TBC1D32: variants seen among roughly 807,000 people sequenced by gnomAD.
TBC1D32 encodes protein broad-minded.
TBC1D32 carries 151 observed loss-of-function variants against 170.3 expected under a neutral mutation model. The observed-to-expected ratio is 0.89, with a 90% CI of 0.78 to 1.01. The LOEUF (loss-of-function observed/expected upper bound fraction) is 1.01. TBC1D32 is among the 50% of genes least tolerant of loss of function. The pLI, the probability that TBC1D32 is intolerant of heterozygous loss-of-function variation, is 0.00. For missense variants in TBC1D32, 1,464 were observed against 1,457.1 expected, an observed-to-expected ratio of 1.00 and a Z score of -0.08; for synonymous variants, 498 against 488.0, an observed-to-expected ratio of 1.02 and a Z score of -0.27.
At chr6:121,196,331 G>A (rs1031425836) in intron 22 of TBC1D32, among the ~76,000 whole-genome samples, 3 of 152,138 alleles carry the variant, frequency 2.0e-5, no homozygotes, top group African/African-American at 7.2e-5. Context: ...ACTGCTGAGT[G>A]CCCAATTTGC....
At chr6:121,217,112 A>G (rs1377359119) in intron 21 of TBC1D32, among the ~76,000 whole-genome samples, 2 of 152,226 alleles carry the variant, frequency 1.3e-5, no homozygotes, top group Admixed American at 1.3e-4. Context: ...ATCTTCAAGA[A>G]TGCTACTGGA....
intron 30 of TBC1D32, among the ~76,000 whole-genome samples, chr6:121,091,769 T>A (rs1451513333): frequency 1.3e-5 from 2 of 152,014 alleles, no homozygotes; most frequent in African/African-American, 4.8e-5. Context: ...AAAAGATATG[T>A]CAAAGCCCTA....
intron 17 of TBC1D32, among the ~76,000 whole-genome samples, 195 bp downstream of exon 17, chr6:121,255,133 T>C (rs938156162): frequency 9.9e-5 from 15 of 151,958 alleles, no homozygotes; most frequent in African/African-American, 3.4e-4. Flanking sequence ...GTATAATAAA[T>C]ATTGTTAGAT....
At chr6:121,204,662 T>G (rs1792001257) in intron 22 of TBC1D32, among the ~76,000 whole-genome samples, 1 of 151,378 alleles carries the variant, frequency 6.6e-6, no homozygotes, top group Non-Finnish European at 1.5e-5. Flanking sequence ...CAAAGTAAAG[T>G]TGAAAAGTAA....
intron 30 of TBC1D32, among the ~76,000 whole-genome samples, chr6:121,098,562 CG>C (rs1413178697): frequency 3.3e-5 from 5 of 151,958 alleles, no homozygotes; most frequent in Non-Finnish European, 7.4e-5. Flanking sequence ...ACATGAAAAA[CG>C]TAAGACTATT....
rs372799877 is a variant in TBC1D32 at position 121,256,588 on chromosome 6, C to G, written c.1734-303G>C. On this transcript the variant is annotated intron_variant, in intron 15 of 31. Transcript: ENST00000398212. ...GTCAATTCTACAGTGAAAACATAAT[C>G]CTAAATGCTCCATTCCTAGCACTTA... Among the ~76,000 whole-genome samples the G allele has an allele frequency of 3.9e-5, 6 of 152,238 alleles. No individual in the cohort carries two copies. In the East Asian group the frequency reaches 9.7e-4, roughly 24 times the overall value.
chr6:121,181,708 A>G (rs986733225), intron 22 of TBC1D32, among the ~76,000 whole-genome samples: 4 of 152,168 alleles, frequency 2.6e-5, no homozygotes, highest in Admixed American at 2.6e-4. Context: ...CACAATGGCC[A>G]AGATATGGAA....
At chr6:121,217,346 C>T (rs1296568649) in intron 21 of TBC1D32, among the ~76,000 whole-genome samples, 3 of 152,206 alleles carry the variant, frequency 2.0e-5, no homozygotes, top group South Asian at 2.1e-4. Flanking sequence ...ATCAACTCTC[C>T]GGCTTTGTGT....
intron 31 of TBC1D32, among the ~76,000 whole-genome samples, chr6:121,087,360 G>C (rs767743): frequency 0.19 from 29,364 of 152,096 alleles, 3,941 homozygotes; most frequent in African/African-American, 0.36. Flanking sequence ...ATCATGAAGA[G>C]CTCTTTAGTG....
chr6:121,258,835 G>A (rs1799391171), intron 15 of TBC1D32, among the ~76,000 whole-genome samples: 1 of 151,962 alleles, frequency 6.6e-6, no homozygotes, highest in Admixed American at 6.6e-5. Context: ...TCTTCTTATT[G>A]AACATTTGAG....
chr6:121,307,942 A>G, intron 5 of TBC1D32, 34 bp downstream of exon 5: 1 of 1,583,780 alleles, frequency 6.3e-7, no homozygotes, highest in South Asian at 1.2e-5. Context: ...GGGAAAACAA[A>G]TTATTTTTAA....
intron 12 of TBC1D32, among the ~76,000 whole-genome samples, chr6:121,285,130 G>C (rs534917336): frequency 2.0e-5 from 3 of 152,278 alleles, no homozygotes; most frequent in Admixed American, 6.5e-5. Flanking sequence ...CACAAGATAA[G>C]AATGGATTTC....
At chr6:121,191,323 T>C in intron 22 of TBC1D32, among the ~76,000 whole-genome samples, 1 of 152,298 alleles carries the variant, frequency 6.6e-6, no homozygotes, top group East Asian at 1.9e-4. Flanking sequence ...GCAATTCCTT[T>C]TCTGTCTGCT....
chr6:121,156,601 A>T (rs1784919513), intron 24 of TBC1D32, among the ~76,000 whole-genome samples: 1 of 151,620 alleles, frequency 6.6e-6, no homozygotes, highest in African/African-American at 2.4e-5. Context: ...TCTAGGTATG[A>T]TGTTAGATCA....
chr6:121,321,512 G>A, intron 2 of TBC1D32, 121 bp downstream of exon 2: 2 of 959,098 alleles, frequency 2.1e-6, no homozygotes, highest in Non-Finnish European at 3.1e-6. Context: ...CTGACTCATT[G>A]TTTTAAAGAA....
chr6:121,268,098 A>G (rs895720692), intron 15 of TBC1D32, among the ~76,000 whole-genome samples: 2 of 152,112 alleles, frequency 1.3e-5, no homozygotes, highest in African/African-American at 4.8e-5. Context: ...CCAAAACCCC[A>G]TCTGTACGTC....
intron 22 of TBC1D32, among the ~76,000 whole-genome samples, chr6:121,161,676 T>A (rs1035745127): frequency 3.3e-5 from 5 of 152,176 alleles, no homozygotes; most frequent in African/African-American, 1.2e-4. Context: ...AATAGAAGGA[T>A]TTATATTATT....
intron 31 of TBC1D32, among the ~76,000 whole-genome samples, chr6:121,089,205 G>A (rs1395006299): frequency 1.3e-5 from 2 of 152,056 alleles, no homozygotes; most frequent in East Asian, 3.8e-4. Context: ...ACCAGGTATT[G>A]TTTGATATAT....
intron 24 of TBC1D32, among the ~76,000 whole-genome samples, chr6:121,133,274 G>C (rs1239003786): frequency 6.6e-6 from 1 of 151,798 alleles, no homozygotes; most frequent in African/African-American, 2.4e-5. Context: ...TATTGTTCCA[G>C]GTTTTAAAAA....
Sources: allele counts gnomAD v4.1 joint callset (sites outside exome capture counted in the v4.1 genomes callset), GRCh38; gene constraint gnomAD v4.1.1; transcripts MANE v1.5; gene names NCBI Gene and HGNC (gene_info 2026-07-23, HGNC 2026-07-21).